FAT1: variants seen among roughly 807,000 people sequenced by gnomAD.
FAT1 encodes the protein protocadherin Fat 1.
Under a neutral mutation model 329.8 loss-of-function variants are expected in FAT1, and 171 were observed. The observed-to-expected ratio is 0.52, with a 90% CI of 0.46 to 0.59. The LOEUF (loss-of-function observed/expected upper bound fraction) is 0.59, where lower values mean the gene tolerates loss of function less well. FAT1 is among the 20% of genes least tolerant of loss of function. The pLI, the probability that FAT1 is intolerant of heterozygous loss-of-function variation, is 0.00. For missense variants in FAT1, 5,672 were observed against 5,774.4 expected, an observed-to-expected ratio of 0.98 and a Z score of 0.57; for synonymous variants, 2,233 against 2,228.6, an observed-to-expected ratio of 1.00 and a Z score of -0.06.
At chr4:186,592,177 A>C (rs1269348791) in intron 26 of FAT1, among the ~76,000 whole-genome samples, 1 of 152,212 alleles carries the variant, frequency 6.6e-6, no homozygotes, top group Non-Finnish European at 1.5e-5. Flanking sequence ...GAAGGTGCTC[A>C]ATGTCCTTTC....
intron 16 of FAT1, among the ~76,000 whole-genome samples, chr4:186,607,573 G>C (rs1430731884): frequency 6.6e-6 from 1 of 152,056 alleles, no homozygotes. Context: ...GTGGTGGGTG[G>C]ATGGACACAT....
At chr4:186,720,717 T>C (rs1435113399) in intron 1 of FAT1, among the ~76,000 whole-genome samples, 1 of 152,186 alleles carries the variant, frequency 6.6e-6, no homozygotes. Flanking sequence ...GAAACACGAT[T>C]TGTTCAGCAC....
At chr4:186,695,002 T>C (rs180923929) in intron 2 of FAT1, among the ~76,000 whole-genome samples, 4 of 152,186 alleles carry the variant, frequency 2.6e-5, no homozygotes, top group Admixed American at 1.3e-4. Flanking sequence ...AAACAGCTTT[T>C]TCAAAGGATA....
chr4:186,637,007 G>T, intron 4 of FAT1, 93 bp from the exon 5 acceptor site: 2 of 1,176,580 alleles, frequency 1.7e-6, no homozygotes, highest in Non-Finnish European at 2.4e-6. Context: ...TGTGTGTAAA[G>T]CTCTGCATTT....
chr4:186,720,026 T>C (rs928702303), intron 1 of FAT1, among the ~76,000 whole-genome samples: 4 of 152,096 alleles, frequency 2.6e-5, no homozygotes, highest in African/African-American at 9.7e-5. Context: ...ATCTAACCTC[T>C]AACTAATTTC....
rs372773661 is a variant in FAT1, at chr4:186,718,383, GC to G, written c.-19+5280del. Among the ~76,000 whole-genome samples the G allele has an allele frequency of 2.6e-3, 403 of 152,170 alleles. 5 individuals carry two copies. Among genetic ancestry groups the G allele is most frequent in the African/African-American group, 9.2e-3 (384 of 41,526 alleles). The stretch of plus-strand genomic sequence containing the variant: ...GGTTCTTCTCCTACTTAAAAAATAA[GC>G]TTGGCCAGACACGGTGGCTCATGCC... On this transcript the variant is annotated intron_variant, in intron 1 of 26. Coordinates refer to ENST00000441802, the MANE Select transcript of FAT1 (RefSeq NM_005245.4).
chr4:186,668,437 C>CA (rs1319069450), intron 2 of FAT1, among the ~76,000 whole-genome samples: 1 of 152,186 alleles, frequency 6.6e-6, no homozygotes, highest in Non-Finnish European at 1.5e-5. Context: ...CCCTCCAGTG[C>CA]AACTCCCTTG....
In FAT1 at chr4:186,597,103, T is replaced by C. The variant is rs1403581725; in HGVS notation, c.12437A>G (p.His4146Arg). Reference protein sequence around the residue: ...CLHGALCENTHGSYHCNCSHE... With the variant: ...CLHGALCENTRGSYHCNCSHE... Reference sequence around the variant, plus strand: ...GCTGCAGTTGCAGTGATAGGAGCCGTGCGTGTTCTCACAGAGGGCCCCGTG... The same window carrying C: ...GCTGCAGTTGCAGTGATAGGAGCCGCGCGTGTTCTCACAGAGGGCCCCGTG... The change falls in exon 25 of 27, where the codon CAC becomes CGC. Residue 4146 changes from histidine to arginine, a missense_variant. Coordinates refer to ENST00000441802, the MANE Select transcript of FAT1 (RefSeq NM_005245.4). The C allele has an allele frequency of 6.2e-7, 1 of 1,613,950 alleles. No homozygotes were observed. Among genetic ancestry groups the C allele is most frequent in the Middle Eastern group, 1.6e-4 (1 of 6,062 alleles).
chr4:186,695,681 T>C (rs893219334), intron 2 of FAT1, among the ~76,000 whole-genome samples: 2 of 152,046 alleles, frequency 1.3e-5, no homozygotes, highest in Non-Finnish European at 2.9e-5. Flanking sequence ...GTTTCAGCCT[T>C]ATATTCTGGT....
At chr4:186,612,516 C>T (rs1197222401) in intron 13 of FAT1, among the ~76,000 whole-genome samples, 1 of 152,106 alleles carries the variant, frequency 6.6e-6, no homozygotes, top group African/African-American at 2.4e-5. Flanking sequence ...TGGAGCATTT[C>T]GGATTTCAGA....
In FAT1 at chr4:186,596,973, A is replaced by G. The variant is rs35694170; in HGVS notation, c.12567T>C (p.Val4189=). Residue 4189 remains valine (V), a synonymous_variant, in exon 25 of 27, where the codon GTT becomes GTC. Transcript: ENST00000441802. This position sits in a 1 kb window ranked among gnomAD's most constrained non-coding sequence, Gnocchi z 4.7. ...CCACCACCAGTAAAAATATCCCTGC[A>G]ACAAACACAACGATTCCAATTCCTT... The part of the protein sequence containing the change: ...LAEGIGIVVF[V]AGIFLLVVVF... 4.4e-4 allele frequency: 707 copies of G among 1,614,026 alleles called. 4 individuals are homozygous for G. The African/African-American group carries it at 7.6e-3, about 17-fold the overall frequency.
At chr4:186,721,465 C>T (rs1037989051) in intron 1 of FAT1, among the ~76,000 whole-genome samples, 1 of 152,228 alleles carries the variant, frequency 6.6e-6, no homozygotes. Flanking sequence ...TTGGCTTCAA[C>T]TTCTACATAA....
chr4:186,653,129 CA>C (rs1335332266), intron 3 of FAT1, among the ~76,000 whole-genome samples: 1 of 152,026 alleles, frequency 6.6e-6, no homozygotes, highest in Admixed American at 6.6e-5. Context: ...AGAGAATAAA[CA>C]AAATGGGGGA....
At chr4:186,615,281 T>C (rs1014236699) in intron 11 of FAT1, among the ~76,000 whole-genome samples, 1 of 152,018 alleles carries the variant, frequency 6.6e-6, no homozygotes. Flanking sequence ...TGGAATTAAC[T>C]CCTCATCCCT....
Position 186,599,940 on chromosome 4 carries a change from G to A in FAT1, c.12061C>T (p.Pro4021Ser), listed in dbSNP as rs2126409578. The A allele has an allele frequency of 6.2e-7, 1 of 1,613,886 alleles. No individual in the cohort carries two copies. The highest frequency in any genetic ancestry group is 8.5e-7 in the Non-Finnish European group (1 of 1,179,850). ...TTGCAAACGCCTCCATTCTGGCAAGGGTTGCTGGCGCAGTCTTCCGTGGCC... is the reference window on the plus strand; with the variant it reads ...TTGCAAACGCCTCCATTCTGGCAAGAGTTGCTGGCGCAGTCTTCCGTGGCC... ...LTATEDCASN[P>S]CQNGGVCNPS... Residue 4021 changes from proline to serine, a missense_variant, in exon 22 of 27, where the codon CCT (proline) becomes TCT (serine). Coordinates refer to ENST00000441802, the MANE Select transcript of FAT1 (RefSeq NM_005245.4).
Position 186,707,393 on chromosome 4 carries a change from A to T in FAT1, c.2435T>A (p.Val812Asp). ...KAAWRLLHVV[V>D]VDANDNPPEF... is the part of the protein sequence containing the mutation. ...GGGTGGATTATCATTGGCATCGACA[A>T]CCACGACATGTAGAAGACGCCACGC... The change falls in exon 2 of 27, where the codon GTT (valine) becomes GAT (aspartate). Residue 812 changes from valine (V) to aspartate (D), a missense_variant. Transcript: ENST00000441802. The T allele has an allele frequency of 1.2e-6, 2 of 1,614,004 alleles. No homozygotes were observed. The highest frequency in any genetic ancestry group is 1.7e-6 in the Non-Finnish European group (2 of 1,179,888).
chr4:186,658,160 C>T (rs74290818), intron 3 of FAT1, among the ~76,000 whole-genome samples: 2,135 of 152,298 alleles, frequency 0.014, 86 homozygotes, highest in East Asian at 0.14. Context: ...GCAATGTCAA[C>T]AAAAGTGCAT....
chr4:186,660,218 G>A (rs1036903063), intron 3 of FAT1, among the ~76,000 whole-genome samples: 6 of 152,062 alleles, frequency 3.9e-5, no homozygotes, highest in Non-Finnish European at 2.9e-5. Flanking sequence ...CAATCAGGCC[G>A]CCATGATACT....
At chr4:186,690,295 C>T (rs1452197577) in intron 2 of FAT1, among the ~76,000 whole-genome samples, 2 of 152,144 alleles carry the variant, frequency 1.3e-5, no homozygotes, top group African/African-American at 4.8e-5. Context: ...AAACCATTCC[C>T]ACCAACCCCA....
Sources: allele counts gnomAD v4.1 joint callset (sites outside exome capture counted in the v4.1 genomes callset), GRCh38; gene constraint gnomAD v4.1.1; non-coding constraint Gnocchi (gnomAD v3.1); transcripts MANE v1.5; gene names NCBI Gene and HGNC (gene_info 2026-07-23, HGNC 2026-07-21).